The following EHHADH variants were observed in gnomAD, a reference collection of about 807,000 sequenced individuals.
EHHADH encodes the protein peroxisomal bifunctional enzyme.
A neutral mutation model predicts 64.4 loss-of-function variants in EHHADH; 48 were observed. The observed-to-expected ratio is 0.75, with a 90% CI of 0.59 to 0.95. The LOEUF is 0.95. EHHADH is among the 40% of genes least tolerant of loss of function. The probability of loss-of-function intolerance (pLI) is 0.00; values close to 1 mark genes in which losing one functional copy is unlikely to be tolerated. For missense variants in EHHADH, 854 were observed against 876.6 expected, an observed-to-expected ratio of 0.97 and a Z score of 0.33; for synonymous variants, 308 against 326.7, an observed-to-expected ratio of 0.94 and a Z score of 0.62.
chr3:185,240,913 A>G (rs925508606), intron 2 of EHHADH, among the ~76,000 whole-genome samples: 1 of 152,030 alleles, frequency 6.6e-6, no homozygotes, highest in African/African-American at 2.4e-5. Context: ...TCACCCAAGC[A>G]GTATATACTG....
intron 5 of EHHADH, among the ~76,000 whole-genome samples, chr3:185,212,918 G>A (rs1193834627): frequency 1.3e-5 from 2 of 151,578 alleles, no homozygotes; most frequent in African/African-American, 2.4e-5. Flanking sequence ...TCAGGAGTTC[G>A]AGACCAGACT....
rs1031414812 is a variant in EHHADH at position 185,229,495 on chromosome 3, T to C, written c.400A>G (p.Arg134Gly). The change falls in exon 4 of 7, where the codon AGA becomes GGA. Residue 134 changes from arginine to glycine, a missense_variant. Physicochemically the swap from Arg to Gly is moderately radical, Grantham distance 125. Coordinates refer to ENST00000231887, the MANE Select transcript of EHHADH (RefSeq NM_001966.4). ...EVTLGLLPGA[R>G]GTQLLPRLTG... The stretch of plus-strand genomic sequence containing the variant: ...AGTCTGGGGAGAAGCTGGGTTCCTC[T>C]TGCACCAGGGAGAAGTCCCAGTGTA... 1.3e-6 allele frequency: 2 copies of C among 1,576,698 alleles called. No individual in the cohort carries two copies. The highest frequency in any genetic ancestry group is 2.3e-5 in the East Asian group (1 of 43,970).
At chr3:185,193,519 G>A in intron 6 of EHHADH, 32 bp from the exon 7 acceptor site, 1 of 1,606,602 alleles carries the variant, frequency 6.2e-7, no homozygotes, top group Non-Finnish European at 8.5e-7. Flanking sequence ...GAAAAAGAAT[G>A]ATTCAGTGGT....
rs529967935 is a variant in EHHADH, at chr3:185,191,554, C to T, written c.*672G>A. 3 of 152,192 alleles carry T rather than the reference C, an allele frequency of 2.0e-5. No individual in the cohort carries two copies. Among genetic ancestry groups the T allele is most frequent in the Non-Finnish European group, 2.9e-5 (2 of 68,032 alleles). The allele number at this position is 152,192 out of a possible 1,614,324, so 9.4% of individuals were successfully genotyped here. A position where few individuals can be genotyped will look rare whatever the true frequency, so the allele number is the denominator to read the frequency against. On this transcript the variant is annotated 3_prime_UTR_variant, in exon 7 of 7. Transcript: ENST00000231887. ...ATTTCCATATGTAACATCACAGAGGCTTGTCATGACAGGAAAACTGGTGTC... is the reference window on the plus strand; with the variant it reads ...ATTTCCATATGTAACATCACAGAGGTTTGTCATGACAGGAAAACTGGTGTC...
In EHHADH at chr3:185,192,237, T is replaced by C. The variant is rs138945273; in HGVS notation, c.2161A>G (p.Ser721Gly). The C allele has an allele frequency of 1.7e-4, 270 of 1,612,884 alleles. 2 individuals carry two copies. In the African/African-American group the frequency reaches 3.3e-3, roughly 20 times the overall value. Residue 721 changes from serine (S) to glycine (G), a missense_variant, in exon 7 of 7, where the codon AGT becomes GGT. Ser to Gly is a moderately conservative substitution (Grantham distance 56). Coordinates refer to ENST00000231887, the MANE Select transcript of EHHADH (RefSeq NM_001966.4). ...TCTGGAAGACTGAATCACAATTTACTGCTAGGGGAGCCTGCCAAGCTTTGC... is the reference window on the plus strand; with the variant it reads ...TCTGGAAGACTGAATCACAATTTACCGCTAGGGGAGCCTGCCAAGCTTTGC... The part of the protein sequence containing the change: ...EWQSLAGSPS[S>G]KL
chr3:185,237,961 T>C (rs571624863), intron 2 of EHHADH, among the ~76,000 whole-genome samples: 42 of 152,300 alleles, frequency 2.8e-4, no homozygotes, highest in Admixed American at 2.0e-3. Context: ...TGTCCATGTG[T>C]TCCCATTGTT....
Position 185,209,434 on chromosome 3 carries a change from G to C in EHHADH, c.569-4677C>G, listed in dbSNP as rs374593024. Among the ~76,000 whole-genome samples the C allele has an allele frequency of 6.8e-4, 104 of 152,164 alleles. 1 individual carries two copies. The highest frequency in any genetic ancestry group is 2.3e-3 in the African/African-American group (95 of 41,504). On this transcript the variant is annotated intron_variant, in intron 5 of 6. Transcript: ENST00000231887. ...ACAACTTACAGTTACCAAAACTTCA[G>C]CTATACCAGAAGTTGTTTTCTATAA... is the stretch of plus-strand genomic sequence containing the variant.
Position 185,206,586 on chromosome 3 carries a change from G to GAC in EHHADH, c.569-1830_569-1829insGT, listed in dbSNP as rs1315262917. On this transcript the variant is annotated intron_variant, in intron 5 of 6. Coordinates refer to ENST00000231887, the MANE Select transcript of EHHADH (RefSeq NM_001966.4). Reference sequence around the variant, plus strand: ...CTCACGCCTGTAATCCTAGCACTTTGGGAGGCCGAGGCGGGTGGATTGTCT... The same window carrying GAC: ...CTCACGCCTGTAATCCTAGCACTTTGACGGAGGCCGAGGCGGGTGGATTGTCT... Among the ~76,000 whole-genome samples, 4 of 152,256 alleles carry GAC rather than the reference G, an allele frequency of 2.6e-5. No homozygotes were observed. In the East Asian group the frequency reaches 7.7e-4, roughly 29 times the overall value.
chr3:185,235,497 A>G (rs1719266932), intron 2 of EHHADH, 35 bp from the exon 3 acceptor site: 3 of 1,559,346 alleles, frequency 1.9e-6, no homozygotes, highest in East Asian at 4.6e-5. Context: ...AACAGAGTTG[A>G]GAAATACATG....
intron 4 of EHHADH, among the ~76,000 whole-genome samples, chr3:185,220,785 G>A (rs1453615971): frequency 3.9e-5 from 6 of 152,186 alleles, no homozygotes; most frequent in Non-Finnish European, 8.8e-5. Flanking sequence ...GAGGTTGAGA[G>A]TTTCTTCTCC....
intron 6 of EHHADH, among the ~76,000 whole-genome samples, chr3:185,193,750 A>G (rs1015367631): frequency 3.3e-5 from 5 of 152,232 alleles, no homozygotes; most frequent in Non-Finnish European, 7.3e-5. Flanking sequence ...CACAATTGAT[A>G]TACAAAAATC....
intron 2 of EHHADH, among the ~76,000 whole-genome samples, chr3:185,245,258 C>T (rs1719564756): frequency 6.6e-6 from 1 of 152,198 alleles, no homozygotes; most frequent in Non-Finnish European, 1.5e-5. Flanking sequence ...TCATGTTTCT[C>T]TGACAGTTGT....
chr3:185,206,297 AAT>A (rs1219146999), intron 5 of EHHADH, among the ~76,000 whole-genome samples: 3 of 149,638 alleles, frequency 2.0e-5, no homozygotes, highest in African/African-American at 7.6e-5. Context: ...AAAAAAAAAA[AAT>A]TTAGGTCCTT....
chr3:185,248,252 G>C (rs564477950), intron 2 of EHHADH, 162 bp downstream of exon 2: 2 of 631,282 alleles, frequency 3.2e-6, no homozygotes, highest in East Asian at 5.3e-5. Flanking sequence ...GGTCTCTCTT[G>C]TAATTCCTGT....
chr3:185,219,155 T>C (rs1466806365), intron 4 of EHHADH, among the ~76,000 whole-genome samples: 3 of 152,178 alleles, frequency 2.0e-5, no homozygotes, highest in African/African-American at 7.2e-5. Flanking sequence ...CTAGGACAAA[T>C]GGGATGGATT....
intron 5 of EHHADH, among the ~76,000 whole-genome samples, chr3:185,214,865 T>A (rs574995282): frequency 2.6e-5 from 4 of 152,336 alleles, no homozygotes; most frequent in Non-Finnish European, 5.9e-5. Flanking sequence ...AAAGCTTTAG[T>A]GAGTATTACT....
chr3:185,208,049 T>C (rs572595280), intron 5 of EHHADH, among the ~76,000 whole-genome samples: 2 of 152,364 alleles, frequency 1.3e-5, no homozygotes, highest in East Asian at 1.9e-4. Flanking sequence ...CTCTAAGTAA[T>C]GGGCTGTCAT....
In EHHADH at chr3:185,206,283, TAAA is replaced by T. The variant is rs60032581; in HGVS notation, c.569-1529_569-1527del. On this transcript the variant is annotated intron_variant, in intron 5 of 6. Transcript: ENST00000231887. ...TTGGATATCCACATGCCAAAAACAA[TAAA>T]AAAAAAAAAAAATTTAGGTCCTTAC... is the stretch of plus-strand genomic sequence containing the variant. Among the ~76,000 whole-genome samples, 646 of 123,728 alleles carry T rather than the reference TAAA, an allele frequency of 5.2e-3. 7 individuals carry two copies. The highest frequency in any genetic ancestry group is 0.016 in the African/African-American group (593 of 36,542). 81.2% of individuals were successfully genotyped at this position (123,728 alleles called of 152,430 possible).
At chr3:185,232,577 T>C in intron 3 of EHHADH, among the ~76,000 whole-genome samples, 1 of 152,190 alleles carries the variant, frequency 6.6e-6, no homozygotes, top group East Asian at 1.9e-4. Flanking sequence ...GCCTCCCAAG[T>C]AGCTGGGATT....
Sources: gnomAD v4.1 joint callset for allele counts (sites outside exome capture counted in the v4.1 genomes callset) on GRCh38, gnomAD v4.1.1 for gene constraint, MANE v1.5 for transcripts, NCBI Gene and HGNC (gene_info 2026-07-23, HGNC 2026-07-21) for gene names.